The following SGCZ variants were observed in gnomAD, a reference collection of about 807,000 sequenced individuals.
The protein encoded by SGCZ is sarcoglycan zeta, also known as zeta-sarcoglycan.
A neutral mutation model predicts 41.3 loss-of-function variants in SGCZ; 40 were observed. That is an observed-to-expected ratio of 0.97 (90% CI 0.75 to 1.26). The LOEUF is 1.26. Among genes scored for constraint, SGCZ ranks in the 50% most tolerant of loss-of-function variants. The probability of loss-of-function intolerance (pLI) is 0.00; values close to 1 mark genes in which losing one functional copy is unlikely to be tolerated. For synonymous variants in SGCZ, 206 were observed against 137.5 expected (o/e 1.50, Z -3.49); for missense variants, 552 against 369.8 (o/e 1.49, Z -4.04).
chr8:14,410,135 AGG>A (rs1799319958), intron 2 of SGCZ, among the ~76,000 whole-genome samples: 1 of 152,146 alleles, frequency 6.6e-6, no homozygotes, highest in Non-Finnish European at 1.5e-5. Flanking sequence ...TGCGCATGCT[AGG>A]GATCTAGATT....
chr8:14,120,905 G>T (rs558527837), intron 5 of SGCZ, among the ~76,000 whole-genome samples: 61 of 152,068 alleles, frequency 4.0e-4, no homozygotes, highest in Non-Finnish European at 6.6e-4. Flanking sequence ...ATCAATGATA[G>T]TTTCATGGAA....
intron 4 of SGCZ, among the ~76,000 whole-genome samples, chr8:14,230,649 A>C (rs192072417): frequency 6.6e-6 from 1 of 152,220 alleles, no homozygotes; most frequent in Non-Finnish European, 1.5e-5. Flanking sequence ...TACTGTATAC[A>C]TCATATGATT....
chr8:14,181,060 A>G (rs1288312379), intron 4 of SGCZ, among the ~76,000 whole-genome samples: 4 of 152,100 alleles, frequency 2.6e-5, no homozygotes, highest in Non-Finnish European at 4.4e-5. Context: ...GCCCCCTCCT[A>G]GGGAGGGAAG....
intron 1 of SGCZ, among the ~76,000 whole-genome samples, chr8:14,622,792 C>A (rs1806328282): frequency 6.6e-6 from 1 of 152,148 alleles, no homozygotes; most frequent in Admixed American, 6.6e-5. Flanking sequence ...AAATAAATTT[C>A]ACTGATGTTA....
intron 4 of SGCZ, among the ~76,000 whole-genome samples, chr8:14,168,473 TTCTCATGAGTGTGAATAAG>T (rs1804274583): frequency 6.6e-6 from 1 of 152,132 alleles, no homozygotes; most frequent in Non-Finnish European, 1.5e-5. Flanking sequence ...TCCTGTGCTG[TTCTCATGAGTGTGAATAAG>T]TCTCATGAGA....
At chr8:14,365,162 C>T (rs1482211008) in intron 2 of SGCZ, among the ~76,000 whole-genome samples, 14 of 152,000 alleles carry the variant, frequency 9.2e-5, no homozygotes, top group Admixed American at 7.9e-4. Context: ...GGGTACATCC[C>T]TTTTTGATTT....
intron 1 of SGCZ, among the ~76,000 whole-genome samples, chr8:15,167,036 G>A (rs978337279): frequency 1.3e-5 from 2 of 151,912 alleles, no homozygotes; most frequent in African/African-American, 4.8e-5. Flanking sequence ...TCAGAGTCAA[G>A]GAAACTTATT....
intron 2 of SGCZ, among the ~76,000 whole-genome samples, chr8:14,552,684 G>C (rs545601806): frequency 1.3e-5 from 2 of 152,028 alleles, no homozygotes; most frequent in African/African-American, 4.8e-5. Context: ...TGAGGATCCT[G>C]AGGACACAGG....
chr8:14,117,618 G>A (rs965021784), intron 5 of SGCZ, among the ~76,000 whole-genome samples: 1 of 151,860 alleles, frequency 6.6e-6, no homozygotes, highest in South Asian at 2.1e-4. Context: ...AAGTTCTGGA[G>A]TACCTGTGCA....
At chr8:14,473,639 G>A (rs572009831) in intron 2 of SGCZ, among the ~76,000 whole-genome samples, 2 of 151,602 alleles carry the variant, frequency 1.3e-5, no homozygotes, top group Admixed American at 1.3e-4. Flanking sequence ...GTCAACAGAA[G>A]TAAAAAATGA....
chr8:14,440,203 A>G (rs1800207732), intron 2 of SGCZ, among the ~76,000 whole-genome samples: 1 of 152,014 alleles, frequency 6.6e-6, no homozygotes, highest in Non-Finnish European at 1.5e-5. Flanking sequence ...TTTTGCCTAT[A>G]TGTCATAGAT....
At chr8:15,208,896 T>TAC (rs752794903) in intron 1 of SGCZ, among the ~76,000 whole-genome samples, 6,386 of 132,126 alleles carry the variant, frequency 0.048, 190 homozygotes, top group Middle Eastern at 0.081. Flanking sequence ...TCCCTATACA[T>TAC]ATATATAGAG....
chr8:14,613,031 G>A (rs541228440), intron 1 of SGCZ, among the ~76,000 whole-genome samples: 5 of 152,202 alleles, frequency 3.3e-5, no homozygotes, highest in African/African-American at 9.6e-5. Context: ...CTGGTCTGGG[G>A]AAAGAACTTA....
intron 2 of SGCZ, among the ~76,000 whole-genome samples, chr8:14,428,627 C>A (rs1323658452): frequency 6.6e-6 from 1 of 152,162 alleles, no homozygotes; most frequent in East Asian, 1.9e-4. Context: ...AATAGATTCA[C>A]AAAGAAATAC....
At chr8:14,213,453 A>T (rs1805885201) in intron 4 of SGCZ, among the ~76,000 whole-genome samples, 1 of 152,166 alleles carries the variant, frequency 6.6e-6, no homozygotes, top group African/African-American at 2.4e-5. Flanking sequence ...ATTTGGTAAA[A>T]CTATCCTTCA....
At chr8:14,191,074 G>C (rs1330396965) in intron 4 of SGCZ, among the ~76,000 whole-genome samples, 3 of 152,204 alleles carry the variant, frequency 2.0e-5, no homozygotes, top group African/African-American at 7.2e-5. Context: ...TGGTGGTTTT[G>C]ATTTGCATTT....
chr8:14,465,094 A>G (rs1420774557), intron 2 of SGCZ, among the ~76,000 whole-genome samples: 1 of 151,576 alleles, frequency 6.6e-6, no homozygotes, highest in Non-Finnish European at 1.5e-5. Context: ...TATTATATCC[A>G]GTTTATTGCA....
intron 1 of SGCZ, among the ~76,000 whole-genome samples, chr8:15,134,110 A>G (rs1229845613): frequency 6.6e-6 from 1 of 152,156 alleles, no homozygotes; most frequent in Non-Finnish European, 1.5e-5. Flanking sequence ...TGCCTTTATA[A>G]GGCTATTTAA....
intron 2 of SGCZ, among the ~76,000 whole-genome samples, chr8:14,396,825 AC>A (rs1798933128): frequency 6.6e-6 from 1 of 151,992 alleles, no homozygotes. Flanking sequence ...TTAAGTCACA[AC>A]CCTAAGGCAC....
Sources: allele counts gnomAD v4.1 joint callset (sites outside exome capture counted in the v4.1 genomes callset), GRCh38; gene constraint gnomAD v4.1.1; transcripts MANE v1.5; gene names NCBI Gene and HGNC (gene_info 2026-07-23, HGNC 2026-07-21).